Variants in ZNF248 observed in about 807,000 individuals in gnomAD.
ZNF248 encodes the protein KRAB protein domain.
In ZNF248, 20 loss-of-function variants were observed where a neutral mutation model predicts 44.3. That is an observed-to-expected ratio of 0.45 (90% CI 0.32 to 0.66). The LOEUF is 0.66. Among genes scored for constraint, ZNF248 ranks in the 30% least tolerant of loss-of-function variants. The pLI is 0.04. For missense variants in ZNF248, 654 were observed against 677.0 expected (o/e 0.97, Z 0.38); for synonymous variants, 224 against 229.0 (o/e 0.98, Z 0.20).
intron 6 of ZNF248, chr10:37,820,601 C>A (rs1360830523): frequency 1.9e-6 from 3 of 1,587,618 alleles, no homozygotes; most frequent in African/African-American, 1.3e-5. Context: ...ACTAATTTTA[C>A]GTCCCCCAGC....
At chr10:37,789,545 A>C (rs1419359011) in intron 6 of ZNF248, among the ~76,000 whole-genome samples, 2 of 152,216 alleles carry the variant, frequency 1.3e-5, no homozygotes, top group African/African-American at 4.8e-5. Context: ...AGGGCAATGA[A>C]GATCTTTTTC....
chr10:37,837,659 G>T lies in ZNF248; in HGVS notation c.196C>A (p.Pro66Thr). 6.2e-7 allele frequency: 1 copy of T among 1,614,014 alleles called. No homozygotes were observed. The highest frequency in any genetic ancestry group is 1.1e-5 in the South Asian group (1 of 91,080). ...GGGAATCCTTTTTCTAATATCCAGG[G>T]CTCTTCTCCTTGCTCGATCTTAAAG... is the stretch of plus-strand genomic sequence containing the variant. ...VIFKIEQGEE[P>T]WILEKGFPSQ... The change falls in exon 5 of 6, where the codon CCC becomes ACC. Residue 66 changes from proline (P) to threonine (T), a missense_variant. Pro to Thr is a conservative substitution (Grantham distance 38). Transcript: ENST00000395867.
downstream of ZNF248, among the ~76,000 whole-genome samples, chr10:37,825,601 G>A (rs2054252861): frequency 1.3e-5 from 2 of 151,958 alleles, no homozygotes; most frequent in African/African-American, 2.4e-5. Flanking sequence ...CACCACACCC[G>A]GCTAATTTTT....
At position 37,829,782 on chromosome 10, in the gene ZNF248, G is replaced by A. The variant is rs956832775; in HGVS notation, c.*1833C>T. On this transcript the variant is annotated 3_prime_UTR_variant, in exon 6 of 6. Coordinates refer to ENST00000395867, the MANE Select transcript of ZNF248 (RefSeq NM_021045.3). ...CATGTCATGACAATGTTGTATCAAG[G>A]AGATCTTTCCCAGAAGTACTACACA... 185 of 985,242 alleles carry A rather than the reference G, an allele frequency of 1.9e-4. 3 individuals are homozygous for A. Among genetic ancestry groups the A allele is most frequent in the Admixed American group, 6.2e-5 (1 of 16,252 alleles). 61.0% of individuals were successfully genotyped at this position (985,242 alleles called of 1,614,324 possible).
At chr10:37,840,020 G>A (rs1423560624) in intron 3 of ZNF248, among the ~76,000 whole-genome samples, 6 of 152,058 alleles carry the variant, frequency 3.9e-5, no homozygotes, top group Admixed American at 6.6e-5. Context: ...AAACCAATAA[G>A]CAAGACGGCT....
chr10:37,830,453 G>A lies in ZNF248; in HGVS notation c.*1162C>T. 1 of 985,392 alleles carries A rather than the reference G, an allele frequency of 1.0e-6. No homozygotes were observed. The highest frequency in any genetic ancestry group is 1.2e-6 in the Non-Finnish European group (1 of 829,924). 61.0% of individuals were successfully genotyped at this position (985,392 alleles called of 1,614,324 possible). On this transcript the variant is annotated 3_prime_UTR_variant, in exon 6 of 6. Transcript: ENST00000395867. Reference sequence around the variant, plus strand: ...CAAAGAGACTCCGGTAGTATTTAGAGTAGGACAGATTCAGAGGTAGTTAAA... The same window carrying A: ...CAAAGAGACTCCGGTAGTATTTAGAATAGGACAGATTCAGAGGTAGTTAAA...
At chr10:37,780,783 C>G (rs1426694382) in intron 6 of ZNF248, among the ~76,000 whole-genome samples, 4 of 152,178 alleles carry the variant, frequency 2.6e-5, no homozygotes, top group African/African-American at 9.7e-5. Context: ...TCCCACTGCC[C>G]CCGAGCCGCG....
Position 37,856,525 on chromosome 10 carries a change from T to C in ZNF248, c.-118A>G, listed in dbSNP as rs146018866. ...ATATTTCTTATTGATTTATTACCAA[T>C]TTAGGTTCTGTGACACAGAAAAATT... On this transcript the variant is annotated 5_prime_UTR_variant, in exon 2 of 6. Transcript: ENST00000395867. 464 of 1,218,344 alleles carry C rather than the reference T, an allele frequency of 3.8e-4. 3 individuals carry two copies. In the East Asian group the frequency reaches 0.014, roughly 36 times the overall value. 75.5% of individuals were successfully genotyped at this position (1,218,344 alleles called of 1,614,324 possible). A position where few individuals can be genotyped will look rare whatever the true frequency, so the allele number is the denominator to read the frequency against.
At chr10:37,838,225 G>A in intron 3 of ZNF248, 114 bp from the exon 4 acceptor site, 2 of 920,452 alleles carry the variant, frequency 2.2e-6, no homozygotes, top group Admixed American at 2.4e-5. Context: ...ACCTCCCTCT[G>A]TGCTGCTATA....
chr10:37,820,196 T>G (rs2053225910), intron 6 of ZNF248: 1 of 1,273,760 alleles, frequency 7.9e-7, no homozygotes, highest in Admixed American at 1.7e-5. Context: ...GTGCAGATAT[T>G]TTTTATATTG....
rs2046697299 is a variant in ZNF248, at chr10:37,777,387, C to A, written c.331-812G>T. Reference sequence around the variant, plus strand: ...AATTCTTTCAGGACTTGCATAAACACCCGTAGCTTCCTTTCTGATTTCCTC... The same window carrying A: ...AATTCTTTCAGGACTTGCATAAACAACCGTAGCTTCCTTTCTGATTTCCTC... On this transcript the variant is annotated intron_variant, in intron 6 of 6. Transcript: ENST00000615949. 2.0e-5 allele frequency among the ~76,000 whole-genome samples: 3 copies of A among 152,172 alleles called. No homozygotes were observed. The South Asian group carries it at 6.2e-4, about 31-fold the overall frequency.
In ZNF248 at chr10:37,830,819, G is replaced by C. The variant is rs1360285060; in HGVS notation, c.*796C>G. On this transcript the variant is annotated 3_prime_UTR_variant, in exon 6 of 6. Coordinates refer to ENST00000395867, the MANE Select transcript of ZNF248 (RefSeq NM_021045.3). ...CAGATTAAATAAGTAAAACAGCAAA[G>C]GTAATAGTGAAATGTAGCAAAATAA... The C allele has an allele frequency of 2.1e-5, 4 of 194,580 alleles. No individual in the cohort carries two copies. The highest frequency in any genetic ancestry group is 3.8e-5 in the Non-Finnish European group (4 of 104,446). 12.1% of individuals were successfully genotyped at this position (194,580 alleles called of 1,614,324 possible). A position where few individuals can be genotyped will look rare whatever the true frequency, so the allele number is the denominator to read the frequency against.
intron 3 of ZNF248, among the ~76,000 whole-genome samples, chr10:37,840,754 C>T (rs1380169362): frequency 1.3e-5 from 2 of 151,998 alleles, no homozygotes; most frequent in African/African-American, 4.8e-5. Context: ...TGCACTCCAG[C>T]CTGGACAAGA....
At chr10:37,793,371 T>G (rs1488531077) in intron 6 of ZNF248, among the ~76,000 whole-genome samples, 1 of 152,008 alleles carries the variant, frequency 6.6e-6, no homozygotes, top group Non-Finnish European at 1.5e-5. Flanking sequence ...TTTATTTCAA[T>G]AAAGCAGATG....
chr10:37,835,139 G>C (rs762728095), intron 5 of ZNF248, among the ~76,000 whole-genome samples: 3 of 152,016 alleles, frequency 2.0e-5, no homozygotes, highest in African/African-American at 2.4e-5. Context: ...AAAAAAAAGA[G>C]AAAAGAACCA....
At chr10:37,804,101 C>CTTTTTTTTTTTTT (rs59261731) in intron 6 of ZNF248, among the ~76,000 whole-genome samples, 23 of 124,918 alleles carry the variant, frequency 1.8e-4, no homozygotes, top group South Asian at 2.6e-4. Context: ...TTTTCTTTTT[C>CTTTTTTTTTTTTT]TTTTTTTTTT....
At chr10:37,817,912 A>G (rs2052781806) in intron 6 of ZNF248, among the ~76,000 whole-genome samples, 1 of 151,834 alleles carries the variant, frequency 6.6e-6, no homozygotes, top group Non-Finnish European at 1.5e-5. Context: ...TTTATTTATT[A>G]TTTATTTATA....
downstream of ZNF248, among the ~76,000 whole-genome samples, chr10:37,825,471 C>G (rs796527056): frequency 6.6e-6 from 1 of 152,134 alleles, no homozygotes; most frequent in Non-Finnish European, 1.5e-5. Context: ...CAGGCACTTA[C>G]TCTGTCACCT....
intron 6 of ZNF248, among the ~76,000 whole-genome samples, chr10:37,786,961 G>A (rs968937371): frequency 2.6e-5 from 4 of 152,074 alleles, no homozygotes; most frequent in Admixed American, 2.0e-4. Flanking sequence ...GAACAAATTT[G>A]TAAAACTTAT....
Sources: allele counts gnomAD v4.1 joint callset (sites outside exome capture counted in the v4.1 genomes callset), GRCh38; gene constraint gnomAD v4.1.1; transcripts MANE v1.5; gene names NCBI Gene and HGNC (gene_info 2026-07-23, HGNC 2026-07-21).